PLEKHA1: variants seen among roughly 807,000 people sequenced by gnomAD.
PLEKHA1 encodes the protein pleckstrin homology domain-containing family A member 1.
PLEKHA1 carries 34 observed loss-of-function variants against 52.0 expected under a neutral mutation model. That is an observed-to-expected ratio of 0.65 (90% CI 0.50 to 0.87). The LOEUF (loss-of-function observed/expected upper bound fraction) is 0.87. Ranked by LOEUF, PLEKHA1 falls within the 40% of genes least tolerant of loss-of-function variation. PLEKHA1 has a pLI of 0.00. For synonymous variants in PLEKHA1, 163 were observed against 170.7 expected, an observed-to-expected ratio of 0.95 and a Z score of 0.35; for missense variants, 497 against 504.2, an observed-to-expected ratio of 0.99 and a Z score of 0.14.
chr10:122,405,771 G>C (rs1002140653), intron 4 of PLEKHA1, among the ~76,000 whole-genome samples: 1 of 152,126 alleles, frequency 6.6e-6, no homozygotes, highest in African/African-American at 2.4e-5. Context: ...GGGCAGTGGA[G>C]TAGAAGCCAC....
the PLEKHA1 span, chr10:122,439,403 T>C: frequency 6.7e-6 from 1 of 148,346 alleles, no homozygotes; most frequent in African/African-American, 2.5e-5. Context: ...TTTTTTTTTT[T>C]AAATTTTAAG....
intron 11 of PLEKHA1, among the ~76,000 whole-genome samples, chr10:122,427,723 T>G (rs1396939504): frequency 6.6e-6 from 1 of 152,206 alleles, no homozygotes; most frequent in African/African-American, 2.4e-5. Flanking sequence ...GAATTAGATT[T>G]GCATTTGGAA....
At chr10:122,412,135 T>TA (rs1358774370) in intron 5 of PLEKHA1, 1 of 152,226 alleles carries the variant, frequency 6.6e-6, no homozygotes, top group Non-Finnish European at 1.5e-5. Context: ...AAATTTATGA[T>TA]ACCTCTGATT....
chr10:122,401,196 TAG>T (rs2096923630), intron 4 of PLEKHA1, among the ~76,000 whole-genome samples: 1 of 151,822 alleles, frequency 6.6e-6, no homozygotes, highest in Non-Finnish European at 1.5e-5. Context: ...GATAAATGGC[TAG>T]AGAGTAAAAA....
chr10:122,424,732 T>A (rs1352218163), intron 9 of PLEKHA1, among the ~76,000 whole-genome samples, 164 bp from the exon 10 acceptor site: 1 of 152,252 alleles, frequency 6.6e-6, no homozygotes, highest in Non-Finnish European at 1.5e-5. Context: ...ACATGAAATA[T>A]GTAAAATCTT....
chr10:122,386,308 G>T (rs1239793999), intron 1 of PLEKHA1, among the ~76,000 whole-genome samples: 2 of 148,300 alleles, frequency 1.3e-5, no homozygotes, highest in African/African-American at 4.9e-5. Flanking sequence ...TGTGTTCCAA[G>T]TTTTTTTTTT....
rs1395535261 is a variant in PLEKHA1 at position 122,415,983 on chromosome 10, G to A, written c.593G>A (p.Cys198Tyr). The change falls in exon 7 of 12, where the codon TGT becomes TAT. Residue 198 changes from cysteine (C) to tyrosine (Y), a missense_variant. Physicochemically the swap from Cys to Tyr is radical, Grantham distance 194. Coordinates refer to ENST00000368990, the MANE Select transcript of PLEKHA1 (RefSeq NM_001001974.4). ...QDSAVIKAGY[C>Y]VKQGAVMKNW... ...AGTGCGGTTATCAAAGCTGGATATT[G>A]TGTAAAACAAGGAGCAGTGGTGAGT... The A allele has an allele frequency of 6.2e-7, 1 of 1,612,454 alleles. No homozygotes were observed. The highest frequency in any genetic ancestry group is 8.5e-7 in the Non-Finnish European group (1 of 1,179,362).
At chr10:122,381,519 C>T (rs1014634933) in intron 1 of PLEKHA1, among the ~76,000 whole-genome samples, 3 of 152,138 alleles carry the variant, frequency 2.0e-5, no homozygotes, top group Admixed American at 2.0e-4. Flanking sequence ...CTCTTTCTTC[C>T]TCCTGCTCCT....
At chr10:122,403,114 T>C (rs1386057489) in intron 4 of PLEKHA1, among the ~76,000 whole-genome samples, 1 of 152,158 alleles carries the variant, frequency 6.6e-6, no homozygotes, top group African/African-American at 2.4e-5. Flanking sequence ...GAACATTTGA[T>C]GAGAGCGGAT....
intron 1 of PLEKHA1, among the ~76,000 whole-genome samples, chr10:122,382,265 A>G (rs767292123): frequency 4.6e-5 from 7 of 152,174 alleles, no homozygotes; most frequent in Non-Finnish European, 1.0e-4. Flanking sequence ...GTACCCTCCT[A>G]TCCTTAGACA....
At chr10:122,381,738 G>C (rs1257818226) in intron 1 of PLEKHA1, among the ~76,000 whole-genome samples, 6 of 152,220 alleles carry the variant, frequency 3.9e-5, no homozygotes, top group African/African-American at 1.4e-4. Context: ...ATGACTTCAA[G>C]ATACTTTTCC....
chr10:122,377,643 A>G (rs2096556169), intron 1 of PLEKHA1, among the ~76,000 whole-genome samples: 1 of 152,210 alleles, frequency 6.6e-6, no homozygotes, highest in African/African-American at 2.4e-5. Flanking sequence ...TTTTATGTAA[A>G]CATAAAGCAT....
At chr10:122,402,275 T>C (rs4751890) in intron 4 of PLEKHA1, among the ~76,000 whole-genome samples, 47,701 of 152,004 alleles carry the variant, frequency 0.31, 8,111 homozygotes, top group Non-Finnish European at 0.4. Context: ...GGTCAGGCAA[T>C]AGTTTATTAG....
intron 1 of PLEKHA1, among the ~76,000 whole-genome samples, chr10:122,389,809 A>G (rs940987550): frequency 1.3e-5 from 2 of 152,300 alleles, no homozygotes; most frequent in East Asian, 3.9e-4. Context: ...GACTTTGCAT[A>G]ATTCTTGAGG....
intron 4 of PLEKHA1, among the ~76,000 whole-genome samples, chr10:122,404,588 G>A (rs2096979039): frequency 6.6e-6 from 1 of 152,156 alleles, no homozygotes; most frequent in Non-Finnish European, 1.5e-5. Flanking sequence ...CCTTACCGAT[G>A]GCTAGAAATT....
chr10:122,400,953 A>G (rs1460091367), intron 4 of PLEKHA1, among the ~76,000 whole-genome samples: 1 of 152,252 alleles, frequency 6.6e-6, no homozygotes, highest in Non-Finnish European at 1.5e-5. Context: ...CAACCTGTAG[A>G]TAAAGGGATA....
intron 1 of PLEKHA1, among the ~76,000 whole-genome samples, chr10:122,375,410 C>T (rs926029335): frequency 3.3e-5 from 5 of 152,250 alleles, no homozygotes; most frequent in Non-Finnish European, 4.4e-5. Context: ...TTTACCTCCG[C>T]ACCTTCGGGG....
At chr10:122,403,982 G>A (rs1458707605) in intron 4 of PLEKHA1, among the ~76,000 whole-genome samples, 5 of 152,144 alleles carry the variant, frequency 3.3e-5, no homozygotes, top group Non-Finnish European at 4.4e-5. Flanking sequence ...GTGAGCCACT[G>A]TGCCCTGCTT....
the PLEKHA1 span, chr10:122,441,469 C>CA: frequency 0.011 from 1,480 of 134,388 alleles, 14 homozygotes; most frequent in African/African-American, 0.03. Flanking sequence ...GACCCTGTCT[C>CA]AAAAAAAAAA....
Sources: gnomAD v4.1 joint callset for allele counts (sites outside exome capture counted in the v4.1 genomes callset) on GRCh38, gnomAD v4.1.1 for gene constraint, MANE v1.5 for transcripts, NCBI Gene and HGNC (gene_info 2026-07-23, HGNC 2026-07-21) for gene names.